C3orf33: variants seen among roughly 807,000 people sequenced by gnomAD.
The protein encoded by C3orf33 is AP-1 activity suppressor.
C3orf33 carries 23 observed loss-of-function variants against 28.7 expected under a neutral mutation model. The ratio of observed to expected loss-of-function variants is 0.80; its 90% CI spans 0.58 to 1.13. The LOEUF is 1.13. Ranked by LOEUF, C3orf33 falls within the 50% of genes most tolerant of loss-of-function variation. C3orf33 has a pLI of 0.00. For missense variants in C3orf33, 327 were observed against 353.4 expected, an observed-to-expected ratio of 0.93 and a Z score of 0.60; for synonymous variants, 119 against 120.5, an observed-to-expected ratio of 0.99 and a Z score of 0.08.
At chr3:155,800,610 CAAAAAAAAAAAAAAA>C (rs58092818) in intron 2 of C3orf33, among the ~76,000 whole-genome samples, 128 of 15,640 alleles carry the variant, frequency 8.2e-3, no homozygotes, top group African/African-American at 0.021. Flanking sequence ...ACCTTATCTC[CAAAAAAAAAAAAAAA>C]AAAAAAAAAA....
At chr3:155,800,682 A>ATTT (rs1476185731) in intron 2 of C3orf33, among the ~76,000 whole-genome samples, 1 of 145,318 alleles carries the variant, frequency 6.9e-6, no homozygotes, top group Admixed American at 7.2e-5. Flanking sequence ...TTTGCAAATC[A>ATTT]TTTATCTAAT....
chr3:155,766,128 A>T (rs1439703480), intron 4 of C3orf33, among the ~76,000 whole-genome samples: 1 of 152,166 alleles, frequency 6.6e-6, no homozygotes, highest in Non-Finnish European at 1.5e-5. Context: ...GCGTAGGCTG[A>T]AGCGTTCCTC....
chr3:155,767,572 T>C lies in C3orf33; in HGVS notation c.420A>G (p.Leu140=). 6.3e-7 allele frequency: 1 copy of C among 1,598,192 alleles called. No individual in the cohort carries two copies. The highest frequency in any genetic ancestry group is 8.5e-7 in the Non-Finnish European group (1 of 1,170,068). ...CCTTTCCAAGAAGTTGGAACCATAG[T>C]AATTGGGAAGGTTTTAGCTCTTTTT... ...WLQKELKPSQ[L]LWFQLLGKEN... The change falls in exon 4 of 5, where the codon TTA becomes TTG. Residue 140 remains leucine (L), a synonymous_variant. Coordinates refer to ENST00000340171, the MANE Select transcript of C3orf33 (RefSeq NM_001308229.2).
intron 2 of C3orf33, among the ~76,000 whole-genome samples, chr3:155,791,337 G>T (rs771816252): frequency 1.1e-4 from 16 of 152,086 alleles, no homozygotes; most frequent in Non-Finnish European, 2.2e-4. Flanking sequence ...CGCAATACCC[G>T]CTGTGGGCCT....
intron 2 of C3orf33, among the ~76,000 whole-genome samples, chr3:155,779,612 A>T (rs1750857340): frequency 6.6e-6 from 1 of 152,224 alleles, no homozygotes; most frequent in Non-Finnish European, 1.5e-5. Flanking sequence ...CATATTTCAT[A>T]AAAGGCTTTA....
intron 1 of C3orf33, chr3:155,804,201 T>C: frequency 2.3e-6 from 1 of 430,274 alleles, no homozygotes; most frequent in South Asian, 1.7e-5. Flanking sequence ...GGAAATGAGA[T>C]TGAAAATATG....
At chr3:155,767,878 T>G (rs781157118) in intron 3 of C3orf33, among the ~76,000 whole-genome samples, 92 of 152,302 alleles carry the variant, frequency 6.0e-4, no homozygotes, top group Non-Finnish European at 1.1e-3. Context: ...AAAACTCATT[T>G]TTTTTTCTTT....
chr3:155,767,359 A>G (rs1750441625), intron 4 of C3orf33, 150 bp downstream of exon 4: 7 of 413,546 alleles, frequency 1.7e-5, no homozygotes, highest in Non-Finnish European at 2.9e-5. Flanking sequence ...TTTGTATACA[A>G]GACACCTATG....
rs912130397 is a variant in C3orf33 at position 155,784,734 on chromosome 3, T to A, written c.175-8886A>T. Among the ~76,000 whole-genome samples, 33 of 149,174 alleles carry A rather than the reference T, an allele frequency of 2.2e-4. 1 individual carries two copies. Among genetic ancestry groups the A allele is most frequent in the East Asian group, 7.8e-4 (4 of 5,112 alleles). On this transcript the variant is annotated intron_variant, in intron 2 of 4. Coordinates refer to ENST00000340171, the MANE Select transcript of C3orf33 (RefSeq NM_001308229.2). ...GAGTAAGACTCTGTCTCAAAAAAAATAAAATAAAATAAAATAATTAATTAA... is the reference window on the plus strand; with the variant it reads ...GAGTAAGACTCTGTCTCAAAAAAAAAAAAATAAAATAAAATAATTAATTAA...
In C3orf33 at chr3:155,806,114, C is replaced by A. The variant is rs1440405375; in HGVS notation, c.114+25G>T. On this transcript the variant is annotated intron_variant, in intron 1 of 4. Coordinates refer to ENST00000340171, the MANE Select transcript of C3orf33 (RefSeq NM_001308229.2). ...TCTGTGCCGCCCCGCGCCCACCACC[C>A]GCCCAGACTGCGTGGCCCCAGTACC... The A allele has an allele frequency of 4.3e-6, 6 of 1,387,044 alleles. No individual in the cohort carries two copies. In the African/African-American group the frequency reaches 7.4e-5, roughly 17 times the overall value. 85.9% of individuals were successfully genotyped at this position (1,387,044 alleles called of 1,614,324 possible).
rs1268601798 is a variant in C3orf33 at position 155,763,638 on chromosome 3, T to G, written c.764A>C (p.Glu255Ala). Residue 255 changes from glutamate to alanine, a missense_variant, in exon 5 of 5, where the codon GAA becomes GCA. Glu to Ala is a moderately radical substitution (Grantham distance 107). Coordinates refer to ENST00000340171, the MANE Select transcript of C3orf33 (RefSeq NM_001308229.2). ...TTGSDFSLKK[E>A]SYYEKLKRTY... ...CCTTTTAAGTTTTTCATAATAACTT[T>G]CTTTTTTCAAGCTGAAATCTGATCC... The G allele has an allele frequency of 2.5e-6, 4 of 1,597,018 alleles. No individual in the cohort carries two copies. The highest frequency in any genetic ancestry group is 3.4e-6 in the Non-Finnish European group (4 of 1,175,846).
chr3:155,767,875 AT>A (rs1046582379), intron 3 of C3orf33, among the ~76,000 whole-genome samples: 12 of 151,220 alleles, frequency 7.9e-5, no homozygotes, highest in South Asian at 2.1e-4. Flanking sequence ...TCAAAAACTC[AT>A]TTTTTTTTCT....
intron 1 of C3orf33, among the ~76,000 whole-genome samples, chr3:155,805,346 C>T (rs1402840453): frequency 1.3e-5 from 2 of 152,098 alleles, no homozygotes; most frequent in African/African-American, 4.8e-5. Context: ...GCCTGTAGCC[C>T]TAGCTACTCG....
intron 2 of C3orf33, among the ~76,000 whole-genome samples, chr3:155,784,658 T>C (rs1486771881): frequency 3.3e-5 from 5 of 151,914 alleles, no homozygotes; most frequent in South Asian, 2.1e-4. Context: ...GAGAATCACC[T>C]GAATCCGGGA....
At chr3:155,774,665 G>A (rs1427360575) in intron 3 of C3orf33, among the ~76,000 whole-genome samples, 1 of 90,718 alleles carries the variant, frequency 1.1e-5, no homozygotes, top group Non-Finnish European at 2.1e-5. Context: ...ATATTGTTTT[G>A]CTTTTTTTTT....
intron 2 of C3orf33, 105 bp downstream of exon 2, chr3:155,802,426 AC>A: frequency 1.3e-6 from 1 of 797,062 alleles, no homozygotes; most frequent in Non-Finnish European, 2.1e-6. Flanking sequence ...TTTAAAAGCT[AC>A]CAATACGAGT....
intron 2 of C3orf33, among the ~76,000 whole-genome samples, chr3:155,791,124 A>G (rs190754757): frequency 1.4e-4 from 21 of 152,228 alleles, no homozygotes; most frequent in Admixed American, 4.6e-4. Flanking sequence ...CAACTTGGAA[A>G]CCAGCTCAGC....
chr3:155,803,854 C>T (rs1751728009), intron 1 of C3orf33, among the ~76,000 whole-genome samples: 1 of 151,880 alleles, frequency 6.6e-6, no homozygotes, highest in African/African-American at 2.4e-5. Context: ...TGCACTCCAG[C>T]CTGGGCGACA....
chr3:155,781,649 G>T (rs1349731430), intron 2 of C3orf33, among the ~76,000 whole-genome samples: 1 of 149,662 alleles, frequency 6.7e-6, no homozygotes, highest in Admixed American at 6.7e-5. Context: ...CATGCCTGTA[G>T]TCCCAGCTAC....
Sources: gnomAD v4.1 joint callset for allele counts (sites outside exome capture counted in the v4.1 genomes callset) on GRCh38, gnomAD v4.1.1 for gene constraint, MANE v1.5 for transcripts, NCBI Gene and HGNC (gene_info 2026-07-23, HGNC 2026-07-21) for gene names.